IL9R: variants seen among roughly 807,000 people sequenced by gnomAD.
The protein encoded by IL9R is interleukin-9 receptor.
Under a neutral mutation model 56.3 loss-of-function variants are expected in IL9R, and 54 were observed. That is an observed-to-expected ratio of 0.96 (90% CI 0.77 to 1.20). IL9R has a LOEUF of 1.20. Ranked by LOEUF, IL9R falls within the 50% of genes most tolerant of loss-of-function variation. The pLI, the probability that IL9R is intolerant of heterozygous loss-of-function variation, is 0.00. For synonymous variants in IL9R, 212 were observed against 250.2 expected, an observed-to-expected ratio of 0.85 and a Z score of 1.44; for missense variants, 545 against 629.8, an observed-to-expected ratio of 0.87 and a Z score of 1.44.
intron 5 of IL9R, among the ~76,000 whole-genome samples, chrX:156,004,999 A>T (rs1054538769): frequency 6.6e-6 from 1 of 151,938 alleles, no homozygotes; most frequent in African/African-American, 2.4e-5. Context: ...ACTTTTGTTT[A>T]TGAGTGTGCA....
rs764877822 is a variant in IL9R at position 156,003,514 on chromosome X, G to T, written c.208G>T (p.Ala70Ser). 2.5e-6 allele frequency: 4 copies of T among 1,612,628 alleles called. No homozygotes were observed. In the African/African-American group the frequency reaches 4.0e-5, roughly 16 times the overall value. Residue 70 changes from alanine to serine, a missense_variant, in exon 3 of 9, where the codon GCC becomes TCC. Ala to Ser is a moderately conservative substitution (Grantham distance 99, BLOSUM62 1). Transcript: ENST00000244174. ...NILRIDCHWS[A>S]PELGQGSSPW... ...TCTCAGGATCGATTGCCACTGGTCT[G>T]CCCCAGAGCTGGGACAGGGCTCCAG...
In IL9R at chrX:156,003,836, G is replaced by A. The variant is rs371174144; in HGVS notation, c.414G>A (p.Glu138=). The change falls in exon 4 of 9, where the codon GAG becomes GAA. Residue 138 remains glutamate, a synonymous_variant. Transcript: ENST00000244174. ...GREQVSLVDP[E]YLPRRHVKLD... ...AGCAGGTCAGCCTGGTGGACCCGGA[G>A]TACCTGCCCCGGAGACACGGTGAGC... 6.2e-7 allele frequency: 1 copy of A among 1,613,826 alleles called. No homozygotes were observed. Among genetic ancestry groups the A allele is most frequent in the Non-Finnish European group, 8.5e-7 (1 of 1,179,858 alleles).
intron 8 of IL9R, among the ~76,000 whole-genome samples, chrX:156,008,782 C>A (rs1234773872): frequency 6.6e-6 from 1 of 152,224 alleles, no homozygotes; most frequent in Non-Finnish European, 1.5e-5. Flanking sequence ...CGGGGGCCTC[C>A]TGTGGCCCCA....
At chrX:155,997,873 G>T (rs1372152262) in intron 1 of IL9R, 86 bp downstream of exon 1, 3 of 1,282,040 alleles carry the variant, frequency 2.3e-6, no homozygotes, top group Non-Finnish European at 3.4e-6. Context: ...TCCAACTCGG[G>T]GCCCAGGGAG....
intron 8 of IL9R, among the ~76,000 whole-genome samples, chrX:156,009,241 G>GTGTGTCT (rs1377556588): frequency 4.9e-3 from 131 of 26,468 alleles, no homozygotes; most frequent in African/African-American, 7.3e-3. Flanking sequence ...GTGTTCGTGT[G>GTGTGTCT]GTGTGTGTGT....
intron 1 of IL9R, among the ~76,000 whole-genome samples, chrX:155,998,892 G>A (rs781059220): frequency 5.3e-5 from 8 of 152,194 alleles, no homozygotes; most frequent in East Asian, 1.9e-4. Context: ...AGCAGGCGAC[G>A]TGGGTACCTC....
At chrX:155,999,942 A>T (rs1193233843) in intron 1 of IL9R, among the ~76,000 whole-genome samples, 1 of 152,014 alleles carries the variant, frequency 6.6e-6, no homozygotes, top group East Asian at 1.9e-4. Flanking sequence ...CCTGACAAAC[A>T]TGGTGAAACC....
rs762449577 is a variant in IL9R at position 156,008,820 on chromosome X, G to C, written c.973-996G>C. 4.6e-5 allele frequency among the ~76,000 whole-genome samples: 7 copies of C among 152,332 alleles called. No homozygotes were observed. In the South Asian group the frequency reaches 1.4e-3, roughly 32 times the overall value. ...GAAGGATCCAGGTCTGCTGGCCATA[G>C]CCGAGTGCTTTGAAAGTCACCAGTC... On this transcript the variant is annotated intron_variant, in intron 8 of 8. Transcript: ENST00000244174.
chrX:155,999,561 G>A (rs1050190645), intron 1 of IL9R, among the ~76,000 whole-genome samples: 10 of 152,086 alleles, frequency 6.6e-5, no homozygotes, highest in African/African-American at 2.2e-4. Context: ...GTGCCCAACA[G>A]CATTGGGGAT....
rs754931906 is a variant in IL9R at position 156,006,482 on chromosome X, A to T, written c.887+294A>T. On this transcript the variant is annotated intron_variant, in intron 7 of 8. Transcript: ENST00000244174. ...ATAAGGGCAGCTTGGTCCCGACCAG[A>T]CCCAGAGTCACCGAGATCAAGAGCC... is the stretch of plus-strand genomic sequence containing the variant. Among the ~76,000 whole-genome samples the T allele has an allele frequency of 1.1e-3, 160 of 148,752 alleles. 2 individuals carry two copies. Among genetic ancestry groups the T allele is most frequent in the African/African-American group, 3.6e-3 (142 of 39,818 alleles).
rs1274749429 is a variant in IL9R at position 156,003,685 on chromosome X, C to T, written c.263C>T (p.Ala88Val). 6.2e-7 allele frequency: 1 copy of T among 1,613,036 alleles called. No individual in the cohort carries two copies. The change falls in exon 4 of 9, where the codon GCT becomes GTT. Residue 88 changes from alanine (A) to valine (V), a missense_variant. Transcript: ENST00000244174. ...ACAAATGCCCTTTCCAGCAACCAGG[C>T]TCCTGGCGGCACACATAAGTGCATC... is the stretch of plus-strand genomic sequence containing the variant. ...SPWLLFTSNQ[A>V]PGGTHKCILR...
At chrX:155,998,312 G>A (rs2067275223) in intron 1 of IL9R, among the ~76,000 whole-genome samples, 1 of 151,860 alleles carries the variant, frequency 6.6e-6, no homozygotes, top group South Asian at 2.1e-4. Flanking sequence ...GGTGAGGGTG[G>A]GATTCCAGAG....
chrX:156,002,772 T>G, intron 1 of IL9R, 134 bp from the exon 2 acceptor site: 14 of 1,267,444 alleles, frequency 1.1e-5, no homozygotes, highest in Non-Finnish European at 1.5e-5. Context: ...GGACACTGTG[T>G]GAGTGTTAGG....
At chrX:156,005,942 A>T in intron 6 of IL9R, 141 bp from the exon 7 acceptor site, 1 of 630,900 alleles carries the variant, frequency 1.6e-6, no homozygotes, top group Non-Finnish European at 2.8e-6. Context: ...GTCCTTCAGC[A>T]GGTGACACAA....
chrX:156,003,938 G>T, intron 4 of IL9R, 83 bp downstream of exon 4: 1 of 1,383,392 alleles, frequency 7.2e-7, no homozygotes, highest in Non-Finnish European at 1.0e-6. Flanking sequence ...GGGCCTTGCA[G>T]CCTGTGAGTG....
intron 1 of IL9R, 124 bp downstream of exon 1, chrX:155,997,911 T>A: frequency 1.1e-6 from 1 of 873,272 alleles, no homozygotes; most frequent in Non-Finnish European, 1.9e-6. Context: ...AGCGCCACCC[T>A]AGCTTTACCT....
In IL9R at chrX:156,004,684, G is replaced by T. The variant is rs2067790426; in HGVS notation, c.579+119G>T. 8 of 1,030,358 alleles carry T rather than the reference G, an allele frequency of 7.8e-6. No individual in the cohort carries two copies. In the South Asian group the frequency reaches 1.0e-4, roughly 13 times the overall value. 63.8% of individuals were successfully genotyped at this position (1,030,358 alleles called of 1,614,324 possible). A position where few individuals can be genotyped will look rare whatever the true frequency, so the allele number is the denominator to read the frequency against. On this transcript the variant is annotated intron_variant, in intron 5 of 8. Coordinates refer to ENST00000244174, the MANE Select transcript of IL9R (RefSeq NM_002186.3). ...TAGTGATGAGAAGGGAGGAACTAGA[G>T]CGGGGTGTGTGTGCACACACACATG...
chrX:156,008,998 TG>T (rs2068213953), intron 8 of IL9R, among the ~76,000 whole-genome samples: 7 of 151,786 alleles, frequency 4.6e-5, no homozygotes, highest in Non-Finnish European at 7.4e-5. Flanking sequence ...AGTCTGTGTG[TG>T]TTTGTGTGTG....
intron 1 of IL9R, among the ~76,000 whole-genome samples, chrX:156,002,496 TG>T: frequency 6.6e-6 from 1 of 152,148 alleles, no homozygotes; most frequent in South Asian, 2.1e-4. Flanking sequence ...GTACCTATGG[TG>T]GTTGTTGGTA....
Sources: allele counts gnomAD v4.1 joint callset (sites outside exome capture counted in the v4.1 genomes callset), GRCh38; gene constraint gnomAD v4.1.1; transcripts MANE v1.5; gene names NCBI Gene and HGNC (gene_info 2026-07-23, HGNC 2026-07-21).